BID: variants seen among roughly 807,000 people sequenced by gnomAD.
BID encodes the protein BH3 interacting domain death agonist, also known as BH3-interacting domain death agonist.
In BID, 19 loss-of-function variants were observed where a neutral mutation model predicts 17.4. The observed-to-expected ratio is 1.09, with a 90% CI of 0.76 to 1.60. The LOEUF (loss-of-function observed/expected upper bound fraction) is 1.60. Ranked by LOEUF, BID falls within the 40% of genes most tolerant of loss-of-function variation. BID has a pLI of 0.00. For missense variants in BID, 226 were observed against 256.0 expected (o/e 0.88, Z 0.80); for synonymous variants, 108 against 102.8 (o/e 1.05, Z -0.31).
At chr22:17,757,157 G>A (rs1332220986) in intron 1 of BID, among the ~76,000 whole-genome samples, 3 of 151,900 alleles carry the variant, frequency 2.0e-5, no homozygotes, top group Non-Finnish European at 4.4e-5. Flanking sequence ...GCTCATGCCT[G>A]TAATCCCAGC....
intron 2 of BID, among the ~76,000 whole-genome samples, chr22:17,747,732 A>G (rs568749339): frequency 6.6e-6 from 1 of 152,256 alleles, no homozygotes; most frequent in African/African-American, 2.4e-5. Context: ...GACATGTTAC[A>G]AAAATGATCT....
chr22:17,756,468 TTTCTTTCTTTTCTTTC>T (rs1569047834), intron 1 of BID, among the ~76,000 whole-genome samples: 5 of 107,284 alleles, frequency 4.7e-5, no homozygotes, highest in African/African-American at 7.1e-5. Context: ...TCTTTCTTTC[TTTCTTTCTTTTCTTTC>T]TTTCTTTCTT....
intron 4 of BID, among the ~76,000 whole-genome samples, chr22:17,739,027 C>T (rs967677557): frequency 6.6e-6 from 1 of 152,216 alleles, no homozygotes; most frequent in Admixed American, 6.5e-5. Flanking sequence ...ACGGTTCTCA[C>T]TGGCACCATT....
At chr22:17,758,208 G>A (rs181417) in intron 1 of BID, among the ~76,000 whole-genome samples, 9,014 of 152,218 alleles carry the variant, frequency 0.059, 351 homozygotes, top group Non-Finnish European at 0.095. Context: ...TTCCTGCCAC[G>A]CTGTGAGCTG....
At chr22:17,751,457 C>CTGTG (rs147644233) in intron 1 of BID, among the ~76,000 whole-genome samples, 2 of 149,700 alleles carry the variant, frequency 1.3e-5, no homozygotes, top group South Asian at 2.1e-4. Context: ...AAGTATTTGC[C>CTGTG]TGTGTGTGTG....
intron 1 of BID, among the ~76,000 whole-genome samples, chr22:17,763,911 A>ATTTTTTT (rs1569052491): frequency 3.2e-4 from 45 of 138,628 alleles, no homozygotes; most frequent in African/African-American, 1.3e-3. Flanking sequence ...ATTTAAAAAA[A>ATTTTTTT]AAAAAAATCA....
chr22:17,739,409 G>GATGCTACGGTCC lies in BID; in HGVS notation c.291_302dup (p.Met97_Ser100dup), dbSNP rs751158037. 3 of 1,611,334 alleles carry GATGCTACGGTCC rather than the reference G, an allele frequency of 1.9e-6. No homozygotes were observed. The African/African-American group carries it at 4.0e-5, about 21-fold the overall frequency. ...CCAGGCCGTTCACCAGGCCCGGAGG[G>GATGCTACGGTCC]ATGCTACGGTCCATGCTGTCCCCGA... is the stretch of plus-strand genomic sequence containing the variant. On this transcript the variant is annotated inframe_insertion, in exon 4 of 6. Coordinates refer to ENST00000622694, the MANE Select transcript of BID (RefSeq NM_001196.4).
intron 2 of BID, among the ~76,000 whole-genome samples, chr22:17,744,914 T>C (rs1453955337): frequency 6.6e-6 from 1 of 152,170 alleles, no homozygotes; most frequent in East Asian, 1.9e-4. Context: ...AAAGACCTCC[T>C]GGGCTGCCAG....
chr22:17,737,642 G>A (rs1021549200), intron 5 of BID, among the ~76,000 whole-genome samples: 1 of 152,188 alleles, frequency 6.6e-6, no homozygotes, highest in Non-Finnish European at 1.5e-5. Flanking sequence ...CACCGCACTG[G>A]CCACATTACA....
At chr22:17,741,881 T>G (rs532218549) in intron 3 of BID, among the ~76,000 whole-genome samples, 1 of 152,178 alleles carries the variant, frequency 6.6e-6, no homozygotes, top group Non-Finnish European at 1.5e-5. Context: ...CCCAGCTCAA[T>G]TGGAGCTGCA....
chr22:17,771,290 G>A (rs574068213), intron 1 of BID, among the ~76,000 whole-genome samples: 1 of 152,234 alleles, frequency 6.6e-6, no homozygotes, highest in East Asian at 1.9e-4. Context: ...TAGTAGAGAC[G>A]GGGTTTCAAC....
At chr22:17,745,796 T>C (rs2061491375) in intron 2 of BID, among the ~76,000 whole-genome samples, 1 of 151,958 alleles carries the variant, frequency 6.6e-6, no homozygotes, top group African/African-American at 2.4e-5. Context: ...TGAAACCTTG[T>C]CTCTACTAAA....
chr22:17,734,179 C>T lies in BID; in HGVS notation c.*1401G>A, dbSNP rs8190362. 68 of 152,346 alleles carry T rather than the reference C, an allele frequency of 4.5e-4. No homozygotes were observed. Among genetic ancestry groups the T allele is most frequent in the African/African-American group, 1.4e-3 (58 of 41,578 alleles). 9.4% of individuals were successfully genotyped at this position (152,346 alleles called of 1,614,324 possible). A position where few individuals can be genotyped will look rare whatever the true frequency, so the allele number is the denominator to read the frequency against. On this transcript the variant is annotated 3_prime_UTR_variant, in exon 6 of 6. Transcript: ENST00000622694. ...ATTTATTTCCAAACAGTGGCCTCCA[C>T]ACTGCGCGGCAGCACTTCTTTTTAG...
Position 17,769,286 on chromosome 22 carries a change from C to T in BID, c.-59+5095G>A, listed in dbSNP as rs540815384. Among the ~76,000 whole-genome samples, 2 of 152,216 alleles carry T rather than the reference C, an allele frequency of 1.3e-5. No individual in the cohort carries two copies. Among genetic ancestry groups the T allele is most frequent in the Non-Finnish European group, 2.9e-5 (2 of 68,038 alleles). The stretch of plus-strand genomic sequence containing the variant: ...GCGGCTGGCTGCTGGTGTGAGTACA[C>T]GGGTGACCCTTCCACAAAGGCCCCT... On this transcript the variant is annotated intron_variant, in intron 1 of 5. Coordinates refer to ENST00000622694, the MANE Select transcript of BID (RefSeq NM_001196.4). This position sits in a 1 kb window ranked among gnomAD's most constrained non-coding sequence, Gnocchi z 4.8.
intron 1 of BID, among the ~76,000 whole-genome samples, chr22:17,753,040 C>G (rs2145896025): frequency 7.0e-6 from 1 of 142,828 alleles, no homozygotes; most frequent in Non-Finnish European, 1.5e-5. Flanking sequence ...AATCTCGGCT[C>G]ACTGCAAGCT....
intron 3 of BID, among the ~76,000 whole-genome samples, chr22:17,742,680 C>T (rs2061469038): frequency 1.3e-5 from 2 of 152,174 alleles, no homozygotes; most frequent in South Asian, 4.1e-4. Context: ...AGGGATTCTA[C>T]CTGCGTCAGA....
At chr22:17,741,778 AC>A in intron 3 of BID, among the ~76,000 whole-genome samples, 1 of 152,216 alleles carries the variant, frequency 6.6e-6, no homozygotes, top group South Asian at 2.1e-4. Context: ...ACCCAGCCTC[AC>A]TGTAGCATTT....
At position 17,734,970 on chromosome 22, in the gene BID, G is replaced by A. The variant is rs759313178; in HGVS notation, c.*610C>T. The A allele has an allele frequency of 6.6e-6, 1 of 152,274 alleles. No homozygotes were observed. 9.4% of individuals were successfully genotyped at this position (152,274 alleles called of 1,614,324 possible). On this transcript the variant is annotated 3_prime_UTR_variant, in exon 6 of 6. Coordinates refer to ENST00000622694, the MANE Select transcript of BID (RefSeq NM_001196.4). Reference sequence around the variant, plus strand: ...TGAAAAAGTCAAGCCCCTGTGTACTGGGGCCGGACTTCCCATCATTTGAGT... The same window carrying A: ...TGAAAAAGTCAAGCCCCTGTGTACTAGGGCCGGACTTCCCATCATTTGAGT...
chr22:17,756,573 TTTC>T (rs1218592754), intron 1 of BID, among the ~76,000 whole-genome samples: 1 of 151,296 alleles, frequency 6.6e-6, no homozygotes, highest in African/African-American at 2.4e-5. Context: ...CTTTCCTTTC[TTTC>T]TTTTTTTTTT....
Sources: gnomAD v4.1 joint callset for allele counts (sites outside exome capture counted in the v4.1 genomes callset) on GRCh38, gnomAD v4.1.1 for gene constraint, Gnocchi (gnomAD v3.1) non-coding constraint, MANE v1.5 for transcripts, NCBI Gene and HGNC (gene_info 2026-07-23, HGNC 2026-07-21) for gene names.